HS3ST5: variants seen among roughly 807,000 people sequenced by gnomAD.
HS3ST5 encodes the protein heparan sulfate-glucosamine 3-sulfotransferase 5, also known as heparan sulfate glucosamine 3-O-sulfotransferase 5.
HS3ST5 carries 10 observed loss-of-function variants against 25.4 expected under a neutral mutation model. That is an observed-to-expected ratio of 0.39 (90% CI 0.24 to 0.67). HS3ST5 has a LOEUF of 0.67. Among genes scored for constraint, HS3ST5 ranks in the 30% least tolerant of loss-of-function variants. HS3ST5 has a pLI of 0.44. For synonymous variants in HS3ST5, 170 were observed against 162.4 expected (o/e 1.05, Z -0.36); for missense variants, 324 against 420.7 (o/e 0.77, Z 2.01).
intron 3 of HS3ST5, among the ~76,000 whole-genome samples, chr6:114,119,219 G>A (rs1261964973): frequency 6.6e-6 from 1 of 152,210 alleles, no homozygotes; most frequent in African/African-American, 2.4e-5. Flanking sequence ...AGACAGTAGA[G>A]AAGTTATTTC....
intron 2 of HS3ST5, among the ~76,000 whole-genome samples, chr6:114,172,518 G>A (rs770145361): frequency 1.8e-4 from 28 of 152,296 alleles, no homozygotes; most frequent in Middle Eastern, 3.4e-3. Flanking sequence ...GAGAAGACCC[G>A]TTTGAGGAGC....
intron 3 of HS3ST5, among the ~76,000 whole-genome samples, chr6:114,098,331 A>G (rs975883364): frequency 2.6e-5 from 4 of 151,704 alleles, no homozygotes; most frequent in African/African-American, 7.2e-5. Context: ...TGTTAAATGT[A>G]TATACCTTTA....
intron 2 of HS3ST5, among the ~76,000 whole-genome samples, chr6:114,169,036 G>A (rs186542496): frequency 1.4e-4 from 21 of 151,924 alleles, no homozygotes; most frequent in Admixed American, 1.2e-3. Context: ...TTGTATTAGT[G>A]GGATGAAAAA....
chr6:114,234,812 T>G (rs146005254), intron 1 of HS3ST5, among the ~76,000 whole-genome samples: 2 of 152,334 alleles, frequency 1.3e-5, no homozygotes, highest in Non-Finnish European at 2.9e-5. Flanking sequence ...AATTGATATA[T>G]GTTCTAAAAT....
rs947447357 is a variant in HS3ST5, at chr6:114,308,134, A to T, written c.-339+34061T>A. ...AATGATCATTGTAAATGACTATTAA[A>T]ATATTTAAGTTGAACATCTATATAC... On this transcript the variant is annotated intron_variant, in intron 1 of 4. Coordinates refer to ENST00000312719, the MANE Select transcript of HS3ST5 (RefSeq NM_153612.4). 5.3e-5 allele frequency among the ~76,000 whole-genome samples: 8 copies of T among 152,300 alleles called. No homozygotes were observed. The East Asian group carries it at 1.3e-3, about 26-fold the overall frequency.
chr6:114,224,699 T>TAC (rs71272382), intron 2 of HS3ST5, among the ~76,000 whole-genome samples: 157 of 144,382 alleles, frequency 1.1e-3, no homozygotes, highest in East Asian at 8.4e-3. Context: ...TATATATATA[T>TAC]ACACACACAC....
chr6:114,147,438 G>A (rs949238398), intron 3 of HS3ST5, among the ~76,000 whole-genome samples: 4 of 152,196 alleles, frequency 2.6e-5, no homozygotes, highest in African/African-American at 9.7e-5. Flanking sequence ...TGGCATGGCA[G>A]TGACCTCACT....
rs1320630314 is a variant in HS3ST5, at chr6:114,342,497, T to C, written c.-641A>G. On this transcript the variant is annotated 5_prime_UTR_variant, in exon 1 of 5. Transcript: ENST00000312719. The stretch of plus-strand genomic sequence containing the variant: ...GGGGGGGCAGGCGGGCGAGAAGTAG[T>C]GGAGTTTAGGGCGCGTTTCCTGCAC... 1.2e-5 allele frequency: 2 copies of C among 169,938 alleles called. No individual in the cohort carries two copies. The highest frequency in any genetic ancestry group is 2.4e-5 in the African/African-American group (1 of 41,334). The allele number at this position is 169,938 out of a possible 1,614,324, so 10.5% of individuals were successfully genotyped here. A position where few individuals can be genotyped will look rare whatever the true frequency, so the allele number is the denominator to read the frequency against.
chr6:114,210,385 G>A (rs550202181), intron 2 of HS3ST5, among the ~76,000 whole-genome samples: 14 of 152,226 alleles, frequency 9.2e-5, no homozygotes, highest in African/African-American at 3.1e-4. Flanking sequence ...TTTAGCTATT[G>A]TAGCAGCTGC....
intron 1 of HS3ST5, among the ~76,000 whole-genome samples, chr6:114,281,201 C>A (rs544027948): frequency 7.2e-4 from 109 of 152,014 alleles, no homozygotes; most frequent in Admixed American, 1.4e-3. Context: ...TTCATGTTAC[C>A]GCATCCTTAG....
intron 1 of HS3ST5, among the ~76,000 whole-genome samples, chr6:114,267,397 T>G (rs1393441803): frequency 6.6e-6 from 1 of 151,944 alleles, no homozygotes; most frequent in Non-Finnish European, 1.5e-5. Context: ...AAATAAGAGG[T>G]GCTTAGCACC....
intron 1 of HS3ST5, among the ~76,000 whole-genome samples, chr6:114,232,590 T>A (rs1771650359): frequency 6.6e-6 from 1 of 152,188 alleles, no homozygotes; most frequent in Admixed American, 6.5e-5. Flanking sequence ...AAAACCTTCC[T>A]CTTAAATCAG....
intron 1 of HS3ST5, among the ~76,000 whole-genome samples, chr6:114,236,347 G>A (rs914289703): frequency 4.6e-5 from 7 of 152,118 alleles, no homozygotes; most frequent in South Asian, 2.1e-4. Flanking sequence ...TAAATATATC[G>A]TTATTGAATA....
intron 3 of HS3ST5, among the ~76,000 whole-genome samples, chr6:114,162,191 C>T (rs1779006565): frequency 6.6e-6 from 1 of 152,096 alleles, no homozygotes; most frequent in Non-Finnish European, 1.5e-5. Context: ...AGAAGTGCTA[C>T]GTCGAGTAAA....
intron 3 of HS3ST5, chr6:114,142,806 G>A (rs1434748332): frequency 4.6e-5 from 7 of 152,290 alleles, no homozygotes; most frequent in African/African-American, 1.7e-4. Flanking sequence ...AAGCTTAAGG[G>A]AGGAGTGCTG....
chr6:114,252,304 G>A (rs1772701875), intron 1 of HS3ST5, among the ~76,000 whole-genome samples: 1 of 152,178 alleles, frequency 6.6e-6, no homozygotes, highest in Non-Finnish European at 1.5e-5. Context: ...AGCCCACTGA[G>A]AATTTTTCAT....
intron 3 of HS3ST5, among the ~76,000 whole-genome samples, chr6:114,089,572 C>T (rs1775019305): frequency 1.3e-5 from 2 of 152,166 alleles, no homozygotes; most frequent in South Asian, 2.1e-4. Flanking sequence ...ATTAGCGCTT[C>T]CACTTTGAAA....
At chr6:114,207,521 G>A (rs1423468630) in intron 2 of HS3ST5, among the ~76,000 whole-genome samples, 3 of 152,140 alleles carry the variant, frequency 2.0e-5, no homozygotes, top group East Asian at 3.9e-4. Flanking sequence ...CCTAAAGACA[G>A]TCATGGTGAA....
At chr6:114,194,274 A>G (rs936265765) in intron 2 of HS3ST5, among the ~76,000 whole-genome samples, 15 of 152,186 alleles carry the variant, frequency 9.9e-5, no homozygotes, top group African/African-American at 3.6e-4. Context: ...GAATAATATT[A>G]AATAATTATG....
Sources: gnomAD v4.1 joint callset for allele counts (sites outside exome capture counted in the v4.1 genomes callset) on GRCh38, gnomAD v4.1.1 for gene constraint, MANE v1.5 for transcripts, NCBI Gene and HGNC (gene_info 2026-07-23, HGNC 2026-07-21) for gene names.